Variants in LRRK1 observed in about 807,000 individuals in gnomAD.
LRRK1 encodes the protein leucine rich repeat kinase 1.
LRRK1 carries 113 observed loss-of-function variants against 209.1 expected under a neutral mutation model. The observed-to-expected ratio is 0.54, with a 90% CI of 0.46 to 0.63. The LOEUF is 0.63. Among genes scored for constraint, LRRK1 ranks in the 30% least tolerant of loss-of-function variants. The pLI, the probability that LRRK1 is intolerant of heterozygous loss-of-function variation, is 0.00. For missense variants in LRRK1, 2,284 were observed against 2,632.2 expected (o/e 0.87, Z 2.89); for synonymous variants, 1,144 against 1,099.7 (o/e 1.04, Z -0.80).
chr15:101,020,690 T>G lies in LRRK1; in HGVS notation c.1610-363T>G, dbSNP rs73488838. Among the ~76,000 whole-genome samples, 644 of 152,268 alleles carry G rather than the reference T, an allele frequency of 4.2e-3. 9 individuals are homozygous for G. The highest frequency in any genetic ancestry group is 0.015 in the African/African-American group (620 of 41,560). On this transcript the variant is annotated intron_variant, in intron 12 of 33. Transcript: ENST00000388948. The stretch of plus-strand genomic sequence containing the variant: ...GCCTGGCGCACCTTGCCTTTTCAAT[T>G]GATGGGTAGCTCTTGAGTATTACTT...
At chr15:100,995,377 AGT>A (rs2032356057) in intron 6 of LRRK1, among the ~76,000 whole-genome samples, 1 of 152,192 alleles carries the variant, frequency 6.6e-6, no homozygotes, top group South Asian at 2.1e-4. Context: ...TTCCATTGGC[AGT>A]GGCTGGCTGC....
chr15:101,014,437 G>A lies in LRRK1; in HGVS notation c.1532+9G>A, dbSNP rs555744690. 1.6e-5 allele frequency: 26 copies of A among 1,581,726 alleles called. No individual in the cohort carries two copies. In the East Asian group the frequency reaches 5.8e-4, roughly 35 times the overall value. ...AGAAACCAACTTGGCAAGTAAGCAG[G>A]GGCCTCTCCTCCCTGGCCAGTTCCA... On this transcript the variant is annotated intron_variant, in intron 11 of 33. Coordinates refer to ENST00000388948, the MANE Select transcript of LRRK1 (RefSeq NM_024652.6).
At chr15:101,014,021 T>G (rs940983127) in intron 10 of LRRK1, among the ~76,000 whole-genome samples, 1 of 152,142 alleles carries the variant, frequency 6.6e-6, no homozygotes, top group Non-Finnish European at 1.5e-5. Context: ...TAATCAGTAC[T>G]CTTAAGAATC....
chr15:101,056,115 G>GTCTA (rs1180179705), intron 27 of LRRK1, among the ~76,000 whole-genome samples: 1 of 152,178 alleles, frequency 6.6e-6, no homozygotes, highest in Non-Finnish European at 1.5e-5. Context: ...AAATTCTCAA[G>GTCTA]TCTATCTATC....
chr15:100,992,056 T>C (rs975501284), intron 6 of LRRK1, among the ~76,000 whole-genome samples: 1 of 152,214 alleles, frequency 6.6e-6, no homozygotes, highest in East Asian at 1.9e-4. Context: ...TTTTTTTAAC[T>C]GCTGGATTTG....
chr15:100,927,926 T>C (rs556094482), intron 2 of LRRK1, among the ~76,000 whole-genome samples: 51 of 152,318 alleles, frequency 3.3e-4, no homozygotes, highest in African/African-American at 1.2e-3. Flanking sequence ...ACGCATTGCA[T>C]GTTGGATTTC....
intron 12 of LRRK1, among the ~76,000 whole-genome samples, chr15:101,017,932 T>G (rs1461230538): frequency 6.6e-6 from 1 of 151,586 alleles, no homozygotes; most frequent in East Asian, 1.9e-4. Flanking sequence ...ACAATAACAT[T>G]TAAGGAATAT....
chr15:100,993,669 G>A lies in LRRK1; in HGVS notation c.762+4271G>A, dbSNP rs188427406. On this transcript the variant is annotated intron_variant, in intron 6 of 33. Coordinates refer to ENST00000388948, the MANE Select transcript of LRRK1 (RefSeq NM_024652.6). ...TCAGGTTTTTATTTGTCTCTTTGCC[G>A]TAGGTATATTTCTTGTAAACAGCAT... Among the ~76,000 whole-genome samples the A allele has an allele frequency of 2.0e-4, 30 of 152,222 alleles. No individual in the cohort carries two copies. The East Asian group carries it at 4.0e-3, about 21-fold the overall frequency.
intron 2 of LRRK1, among the ~76,000 whole-genome samples, chr15:100,957,054 G>T (rs371998829): frequency 5.9e-5 from 9 of 152,154 alleles, no homozygotes; most frequent in Admixed American, 3.3e-4. Flanking sequence ...ATGACCCATT[G>T]GTTGTTCAGG....
intron 20 of LRRK1, among the ~76,000 whole-genome samples, chr15:101,041,885 G>A (rs532070746): frequency 3.2e-4 from 49 of 152,158 alleles, no homozygotes; most frequent in Admixed American, 5.9e-4. Context: ...CAACAAAACA[G>A]TATAATTATG....
chr15:100,942,192 C>G (rs1397593815), intron 2 of LRRK1, among the ~76,000 whole-genome samples: 2 of 152,166 alleles, frequency 1.3e-5, no homozygotes, highest in Admixed American at 6.5e-5. Flanking sequence ...GTGAGAATGT[C>G]AAGAACCGGC....
At chr15:101,037,982 A>G (rs1296967240) in intron 20 of LRRK1, among the ~76,000 whole-genome samples, 3 of 152,254 alleles carry the variant, frequency 2.0e-5, no homozygotes, top group Non-Finnish European at 2.9e-5. Context: ...ATGTGCATCA[A>G]TCAATAATTG....
In LRRK1 at chr15:100,954,067, C is replaced by T. The variant is rs181198548; in HGVS notation, c.98-19737C>T. ...AGTACCTGGGTCTACAGGCACACAC[C>T]ACCACGCCTGGCTAATTTTTGTATT... On this transcript the variant is annotated intron_variant, in intron 2 of 33. Coordinates refer to ENST00000388948, the MANE Select transcript of LRRK1 (RefSeq NM_024652.6). Among the ~76,000 whole-genome samples, 540 of 152,156 alleles carry T rather than the reference C, an allele frequency of 3.5e-3. 4 individuals carry two copies. Among genetic ancestry groups the T allele is most frequent in the African/African-American group, 9.8e-3 (407 of 41,496 alleles).
intron 2 of LRRK1, among the ~76,000 whole-genome samples, chr15:100,954,212 C>A (rs926258467): frequency 6.6e-6 from 1 of 152,128 alleles, no homozygotes; most frequent in Non-Finnish European, 1.5e-5. Context: ...CCGTGCCCGG[C>A]CTAACTCATG....
intron 20 of LRRK1, among the ~76,000 whole-genome samples, chr15:101,030,789 G>A (rs888355380): frequency 6.6e-6 from 1 of 152,080 alleles, no homozygotes; most frequent in African/African-American, 2.4e-5. Flanking sequence ...ATCAGTTATC[G>A]GGGTACAGTT....
chr15:101,065,300 T>C (rs190789089), intron 31 of LRRK1, 52 bp from the exon 32 acceptor site: 3 of 1,580,994 alleles, frequency 1.9e-6, no homozygotes, highest in East Asian at 4.5e-5. Context: ...TGTGTCTCTC[T>C]TGGAATGTGT....
intron 2 of LRRK1, among the ~76,000 whole-genome samples, chr15:100,968,103 A>G (rs529604554): frequency 4.6e-5 from 7 of 152,202 alleles, no homozygotes; most frequent in Non-Finnish European, 7.3e-5. Context: ...ATATCTTAGA[A>G]CAGCATATAA....
intron 29 of LRRK1, 33 bp from the exon 30 acceptor site, chr15:101,061,138 G>A (rs200920459): frequency 1.9e-4 from 301 of 1,543,986 alleles, no homozygotes; most frequent in Middle Eastern, 3.4e-4. Flanking sequence ...CCTGGCCCCC[G>A]GGCACTGACA....
Position 101,069,420 on chromosome 15 carries a change from G to A in LRRK1, c.*572G>A, listed in dbSNP as rs1466602101. 1 of 152,550 alleles carries A rather than the reference G, an allele frequency of 6.6e-6. No homozygotes were observed. Among genetic ancestry groups the A allele is most frequent in the Non-Finnish European group, 1.5e-5 (1 of 68,196 alleles). 9.4% of individuals were successfully genotyped at this position (152,550 alleles called of 1,614,324 possible). A position where few individuals can be genotyped will look rare whatever the true frequency, so the allele number is the denominator to read the frequency against. On this transcript the variant is annotated 3_prime_UTR_variant, in exon 34 of 34. Transcript: ENST00000388948. ...CTGTGTTCGGGAAGGTCTCCGTGTGGGAAAGCCCTTGGGGGATCCCGGGTG... is the reference window on the plus strand; with the variant it reads ...CTGTGTTCGGGAAGGTCTCCGTGTGAGAAAGCCCTTGGGGGATCCCGGGTG...
Sources: allele counts gnomAD v4.1 joint callset (sites outside exome capture counted in the v4.1 genomes callset), GRCh38; gene constraint gnomAD v4.1.1; transcripts MANE v1.5; gene names NCBI Gene and HGNC (gene_info 2026-07-23, HGNC 2026-07-21).